Variants in PTPN2 observed in about 807,000 individuals in gnomAD.
PTPN2 encodes the protein protein tyrosine phosphatase non-receptor type 2.
In PTPN2, 19 loss-of-function variants were observed where a neutral mutation model predicts 57.3. That is an observed-to-expected ratio of 0.33 (90% CI 0.23 to 0.49). The LOEUF (loss-of-function observed/expected upper bound fraction) is 0.49. PTPN2 is among the 20% of genes least tolerant of loss of function. The pLI, the probability that PTPN2 is intolerant of heterozygous loss-of-function variation, is 0.99. For synonymous variants in PTPN2, 153 were observed against 164.9 expected, an observed-to-expected ratio of 0.93 and a Z score of 0.55; for missense variants, 358 against 501.1, an observed-to-expected ratio of 0.71 and a Z score of 2.73.
At chr18:12,850,475 C>T (rs541045972) in intron 2 of PTPN2, among the ~76,000 whole-genome samples, 18 of 151,994 alleles carry the variant, frequency 1.2e-4, no homozygotes, top group African/African-American at 4.3e-4. Context: ...GGCAACAGAG[C>T]AAGACTCCAT....
intron 5 of PTPN2, among the ~76,000 whole-genome samples, chr18:12,821,612 G>A (rs1018039514): frequency 6.6e-6 from 1 of 152,234 alleles, no homozygotes; most frequent in Non-Finnish European, 1.5e-5. Context: ...AGGAGTGGCA[G>A]AAACGGCTAG....
At chr18:12,815,428 A>C (rs982606690) in intron 6 of PTPN2, among the ~76,000 whole-genome samples, 3 of 151,864 alleles carry the variant, frequency 2.0e-5, no homozygotes, top group Admixed American at 2.0e-4. Context: ...TAAATAAATA[A>C]ATAAATAGAA....
intron 1 of PTPN2, among the ~76,000 whole-genome samples, chr18:12,865,206 G>A (rs1005060253): frequency 1.3e-5 from 2 of 152,104 alleles, no homozygotes; most frequent in Admixed American, 1.3e-4. Context: ...CAATACTTTG[G>A]GAGGCTGAGG....
At chr18:12,810,018 C>A (rs75536219) in intron 7 of PTPN2, among the ~76,000 whole-genome samples, 6 of 151,828 alleles carry the variant, frequency 4.0e-5, no homozygotes, top group Admixed American at 2.0e-4. Flanking sequence ...CCCATCTCTA[C>A]CAAAAATACA....
At chr18:12,811,155 A>G (rs1406129258) in intron 7 of PTPN2, among the ~76,000 whole-genome samples, 1 of 151,934 alleles carries the variant, frequency 6.6e-6, no homozygotes, top group Non-Finnish European at 1.5e-5. Flanking sequence ...TAATTAGGTA[A>G]CTCGCCCAAG....
At chr18:12,822,414 T>C (rs1034151450) in intron 5 of PTPN2, among the ~76,000 whole-genome samples, 7 of 152,232 alleles carry the variant, frequency 4.6e-5, no homozygotes, top group African/African-American at 1.7e-4. Context: ...GATGACCTTA[T>C]ATTTTTAAAA....
At chr18:12,842,585 C>CACTGTTCTCCA in intron 2 of PTPN2, among the ~76,000 whole-genome samples, 1 of 152,140 alleles carries the variant, frequency 6.6e-6, no homozygotes, top group Middle Eastern at 3.4e-3. Flanking sequence ...GTGTTCCAAG[C>CACTGTTCTCCA]ACAGAGAACG....
intron 2 of PTPN2, chr18:12,840,754 C>T: frequency 2.5e-6 from 4 of 1,598,480 alleles, no homozygotes; most frequent in Non-Finnish European, 3.4e-6. Flanking sequence ...CCTGATCCAT[C>T]CAGTTGGTGC....
At chr18:12,785,708 G>A (rs1277010225) in exon 10 of PTPN2, 1 of 909,392 alleles carries the variant, frequency 1.1e-6, no homozygotes, top group Admixed American at 2.1e-5. Context: ...ACAACTGTGA[G>A]GCAATCTAGA....
intron 1 of PTPN2, among the ~76,000 whole-genome samples, chr18:12,867,412 T>G (rs2044031492): frequency 6.6e-6 from 1 of 152,118 alleles, no homozygotes; most frequent in Non-Finnish European, 1.5e-5. Flanking sequence ...AGACTGAAAG[T>G]GAGGTTTTGC....
At chr18:12,807,262 T>C (rs2041688733) in intron 7 of PTPN2, among the ~76,000 whole-genome samples, 1 of 151,882 alleles carries the variant, frequency 6.6e-6, no homozygotes, top group Non-Finnish European at 1.5e-5. Flanking sequence ...AGAATGACTA[T>C]TATCAAAAAG....
chr18:12,869,669 C>T (rs967559029), intron 1 of PTPN2, among the ~76,000 whole-genome samples: 3 of 152,114 alleles, frequency 2.0e-5, no homozygotes, highest in Non-Finnish European at 2.9e-5. Context: ...CAAATAAGAA[C>T]TTAGGAAATT....
chr18:12,827,070 G>A (rs1312017383), intron 4 of PTPN2, among the ~76,000 whole-genome samples: 8 of 151,890 alleles, frequency 5.3e-5, no homozygotes, highest in South Asian at 2.1e-4. Flanking sequence ...CTGGCCAAGC[G>A]CGGTGGCTCA....
chr18:12,836,698 A>G, intron 3 of PTPN2, 93 bp downstream of exon 3: 1 of 756,194 alleles, frequency 1.3e-6, no homozygotes, highest in Middle Eastern at 3.9e-4. Context: ...TTCATTTCCA[A>G]AAGAAGTCAA....
In PTPN2 at chr18:12,841,075, T is replaced by C. The variant is rs1017309724; in HGVS notation, c.161-4184A>G. On this transcript the variant is annotated intron_variant, in intron 2 of 8. Coordinates refer to ENST00000309660, the MANE Select transcript of PTPN2 (RefSeq NM_002828.4). ...TTAAAAAGGAAAAAAGAAATTATAT[T>C]AAGCCGTGACTCTGAGTACTGATAC... 4 of 1,119,674 alleles carry C rather than the reference T, an allele frequency of 3.6e-6. No homozygotes were observed. The African/African-American group carries it at 4.7e-5, about 13-fold the overall frequency. 69.4% of individuals were successfully genotyped at this position (1,119,674 alleles called of 1,614,324 possible).
chr18:12,829,282 G>A (rs1394190764), intron 4 of PTPN2, among the ~76,000 whole-genome samples: 1 of 152,100 alleles, frequency 6.6e-6, no homozygotes, highest in African/African-American at 2.4e-5. Flanking sequence ...TTGGGAGGCC[G>A]AGGTGGGCGT....
chr18:12,875,557 CT>C (rs2044460081), intron 1 of PTPN2, among the ~76,000 whole-genome samples: 1 of 152,172 alleles, frequency 6.6e-6, no homozygotes, highest in Non-Finnish European at 1.5e-5. Flanking sequence ...TATCCTCTGA[CT>C]CTCAACAGCT....
intron 1 of PTPN2, among the ~76,000 whole-genome samples, chr18:12,873,743 C>T (rs1157765107): frequency 6.6e-6 from 1 of 152,170 alleles, no homozygotes; most frequent in Non-Finnish European, 1.5e-5. Flanking sequence ...CTCTGCCTGG[C>T]CACCCATCGT....
chr18:12,848,870 T>C (rs1321482143), intron 2 of PTPN2, among the ~76,000 whole-genome samples: 1 of 152,256 alleles, frequency 6.6e-6, no homozygotes, highest in East Asian at 1.9e-4. Context: ...CCTTCCTGCT[T>C]TGGCTATGAA....
Sources: allele counts gnomAD v4.1 joint callset (sites outside exome capture counted in the v4.1 genomes callset), GRCh38; gene constraint gnomAD v4.1.1; transcripts MANE v1.5; gene names NCBI Gene and HGNC (gene_info 2026-07-23, HGNC 2026-07-21).